The following KRTAP5-9 variants were observed in gnomAD, a reference collection of about 807,000 sequenced individuals.
The protein encoded by KRTAP5-9 is keratin-associated protein 5-9.
Under a neutral mutation model 3.0 loss-of-function variants are expected in KRTAP5-9, and 2 were observed. That is an observed-to-expected ratio of 0.67 (90% confidence interval 0.27 to 2.09). KRTAP5-9 has a LOEUF of 2.09. KRTAP5-9 is among the 30% of genes most tolerant of loss of function. The pLI, the probability that KRTAP5-9 is intolerant of heterozygous loss-of-function variation, is 0.14. For missense variants in KRTAP5-9, 183 were observed against 204.2 expected (o/e 0.90, Z 0.63); for synonymous variants, 70 against 81.2 (o/e 0.86, Z 0.74).
Position 71,548,769 on chromosome 11 carries a change from C to G in KRTAP5-9, c.112C>G (p.Pro38Ala), listed in dbSNP as rs369936376. ...GGGCTGTGGCCCCAGCTGCTGTGCA[C>G]CCGTCTACTGCTGCAAGCCCGTGTG... Reference protein sequence around the residue: ...CRGCGPSCCAPVYCCKPVCCC... With the variant: ...CRGCGPSCCAAVYCCKPVCCC... The change falls in exon 1 of 1, where the codon CCC (proline) becomes GCC (alanine). Residue 38 changes from proline to alanine, a missense_variant. Physicochemically the swap from Pro to Ala is conservative, Grantham distance 27 (BLOSUM62 -1). Transcript: ENST00000528743. The G allele has an allele frequency of 9.3e-6, 15 of 1,613,116 alleles. No homozygotes were observed. The highest frequency in any genetic ancestry group is 1.1e-5 in the Non-Finnish European group (13 of 1,179,700).
At position 71,548,711 on chromosome 11, in the gene KRTAP5-9, C is replaced by A; in HGVS notation, c.54C>A (p.Asp18Glu). Reference sequence around the variant, plus strand: ...GTGGCTCCAGCTGTGGAGGCTGTGACTCCAGCTGTGGGAGCTGTGGCTCTG... The same window carrying A: ...GTGGCTCCAGCTGTGGAGGCTGTGAATCCAGCTGTGGGAGCTGTGGCTCTG... Reference protein sequence around the residue: ...GGCGSSCGGCDSSCGSCGSGC... With the variant: ...GGCGSSCGGCESSCGSCGSGC... The change falls in exon 1 of 1, where the codon GAC becomes GAA. Residue 18 changes from aspartate to glutamate, a missense_variant. Coordinates refer to ENST00000528743, the MANE Select transcript of KRTAP5-9 (RefSeq NM_005553.4). 1 of 1,612,888 alleles carries A rather than the reference C, an allele frequency of 6.2e-7. No homozygotes were observed. Among genetic ancestry groups the A allele is most frequent in the Non-Finnish European group, 8.5e-7 (1 of 1,179,938 alleles).
In KRTAP5-9 at chr11:71,548,806, C is replaced by CA; in HGVS notation, c.150dup (p.Ala51SerfsTer6). ...TGCAAGCCCGTGTGCTGCTGTGTTCCAGCCTGTTCCTGCTCTAGCTGTGGC... is the reference window on the plus strand; with the variant it reads ...TGCAAGCCCGTGTGCTGCTGTGTTCCAAGCCTGTTCCTGCTCTAGCTGTGGC... On this transcript the variant is annotated frameshift_variant, in exon 1 of 1. Coordinates refer to ENST00000528743, the MANE Select transcript of KRTAP5-9 (RefSeq NM_005553.4). LOFTEE classifies it low-confidence loss of function (END_TRUNC). 6.2e-7 allele frequency: 1 copy of CA among 1,613,576 alleles called. No homozygotes were observed. Among genetic ancestry groups the CA allele is most frequent in the South Asian group, 1.1e-5 (1 of 91,036 alleles).
chr11:71,548,604 G>T lies in KRTAP5-9; in HGVS notation c.-54G>T, dbSNP rs1950107010. The T allele has an allele frequency of 1.3e-6, 2 of 1,581,206 alleles. No homozygotes were observed. Among genetic ancestry groups the T allele is most frequent in the East Asian group, 4.5e-5 (2 of 44,774 alleles). ...CCGGGGCTCAGGGGGCTCCACACCT[G>T]CACCTCCTTCTCACCTGCTCCTCTA... On this transcript the variant is annotated 5_prime_UTR_variant, in exon 1 of 1. Coordinates refer to ENST00000528743, the MANE Select transcript of KRTAP5-9 (RefSeq NM_005553.4).
Position 71,549,428 on chromosome 11 carries a change from C to A in KRTAP5-9, c.*261C>A, listed in dbSNP as rs1290932439. The A allele has an allele frequency of 1.7e-6, 1 of 588,808 alleles. No homozygotes were observed. Among genetic ancestry groups the A allele is most frequent in the Non-Finnish European group, 3.1e-6 (1 of 325,370 alleles). The allele number at this position is 588,808 out of a possible 1,614,324, so 36.5% of individuals were successfully genotyped here. On this transcript the variant is annotated 3_prime_UTR_variant, in exon 1 of 1. Coordinates refer to ENST00000528743, the MANE Select transcript of KRTAP5-9 (RefSeq NM_005553.4). ...CACTGGGGGCTGCCCTCATGCCAAG[C>A]AAGAGCCTGGAATTCCCCTTCTTGA...
chr11:71,549,007 C>T lies in KRTAP5-9; in HGVS notation c.350C>T (p.Ser117Phe). Residue 117 changes from serine to phenylalanine, a missense_variant, in exon 1 of 1, where the codon TCC becomes TTC. Transcript: ENST00000528743. The stretch of plus-strand genomic sequence containing the variant: ...TGCAGCTGCTGTAAGCCCTGTTGCT[C>T]CTCCTCGGGTCGTGGGTCATCCTGC... ...SQCSCCKPCC[S>F]SSGRGSSCCQ... is the part of the protein sequence containing the mutation. 6.2e-7 allele frequency: 1 copy of T among 1,605,218 alleles called. No individual in the cohort carries two copies. Among genetic ancestry groups the T allele is most frequent in the East Asian group, 2.2e-5 (1 of 44,830 alleles).
rs749258020 is a variant in KRTAP5-9, at chr11:71,548,822, T to C, written c.165T>C (p.Ser55=). The change falls in exon 1 of 1, where the codon TCT becomes TCC. Residue 55 remains serine, a synonymous_variant. Transcript: ENST00000528743. ...VCCCVPACSC[S]SCGKRGCGSC... ...GCTGTGTTCCAGCCTGTTCCTGCTC[T>C]AGCTGTGGCAAGCGGGGCTGTGGCT... is the stretch of plus-strand genomic sequence containing the variant. 1.2e-6 allele frequency: 2 copies of C among 1,614,050 alleles called. No homozygotes were observed. Among genetic ancestry groups the C allele is most frequent in the South Asian group, 1.1e-5 (1 of 91,056 alleles).
chr11:71,549,356 A>G lies in KRTAP5-9; in HGVS notation c.*189A>G, dbSNP rs1950112294. On this transcript the variant is annotated 3_prime_UTR_variant, in exon 1 of 1. Coordinates refer to ENST00000528743, the MANE Select transcript of KRTAP5-9 (RefSeq NM_005553.4). Reference sequence around the variant, plus strand: ...ATAAGAATATCCCAAGACCCAGGCAATTTTGCCCCTCTTTCCCACATGCCC... The same window carrying G: ...ATAAGAATATCCCAAGACCCAGGCAGTTTTGCCCCTCTTTCCCACATGCCC... The G allele has an allele frequency of 3.5e-5, 32 of 909,766 alleles. No individual in the cohort carries two copies. Among genetic ancestry groups the G allele is most frequent in the Middle Eastern group, 3.3e-4 (1 of 3,044 alleles). 56.4% of individuals were successfully genotyped at this position (909,766 alleles called of 1,614,324 possible). A position where few individuals can be genotyped will look rare whatever the true frequency, so the allele number is the denominator to read the frequency against.
Position 71,549,476 on chromosome 11 carries a change from CCCTTCT to C in KRTAP5-9, c.*310_*315del. ...TGATAATTCCATGGGAGACAGCAAA[CCCTTCT>C]TTCCTTTGCCTGCCAGGAGCTTCAC... On this transcript the variant is annotated 3_prime_UTR_variant, in exon 1 of 1. Transcript: ENST00000528743. 2.0e-6 allele frequency: 1 copy of C among 502,410 alleles called. No individual in the cohort carries two copies. Among genetic ancestry groups the C allele is most frequent in the South Asian group, 2.8e-5 (1 of 35,322 alleles). 31.1% of individuals were successfully genotyped at this position (502,410 alleles called of 1,614,324 possible).
chr11:71,548,787 C>G lies in KRTAP5-9; in HGVS notation c.130C>G (p.Pro44Ala). The G allele has an allele frequency of 6.2e-7, 1 of 1,613,456 alleles. No individual in the cohort carries two copies. The highest frequency in any genetic ancestry group is 8.5e-7 in the Non-Finnish European group (1 of 1,179,748). Residue 44 changes from proline to alanine, a missense_variant, in exon 1 of 1, where the codon CCC (proline) becomes GCC (alanine). Pro to Ala is a conservative substitution (Grantham distance 27). Transcript: ENST00000528743. Reference sequence around the variant, plus strand: ...CTGTGCACCCGTCTACTGCTGCAAGCCCGTGTGCTGCTGTGTTCCAGCCTG... The same window carrying G: ...CTGTGCACCCGTCTACTGCTGCAAGGCCGTGTGCTGCTGTGTTCCAGCCTG... Reference protein sequence around the residue: ...SCCAPVYCCKPVCCCVPACSC... With the variant: ...SCCAPVYCCKAVCCCVPACSC...
Position 71,549,521 on chromosome 11 carries a change from G to A in KRTAP5-9, c.*354G>A. On this transcript the variant is annotated 3_prime_UTR_variant, in exon 1 of 1. Coordinates refer to ENST00000528743, the MANE Select transcript of KRTAP5-9 (RefSeq NM_005553.4). ...CAGGAGCTTCACGACATTTGCAGAT[G>A]GATGTCCTGCAACCCAAATGATCAC... The A allele has an allele frequency of 5.0e-6, 2 of 400,254 alleles. No individual in the cohort carries two copies. Among genetic ancestry groups the A allele is most frequent in the Non-Finnish European group, 9.5e-6 (2 of 210,468 alleles). The allele number at this position is 400,254 out of a possible 1,614,324, so 24.8% of individuals were successfully genotyped here. A position where few individuals can be genotyped will look rare whatever the true frequency, so the allele number is the denominator to read the frequency against.
In KRTAP5-9 at chr11:71,549,019, G is replaced by A. The variant is rs201275630; in HGVS notation, c.362G>A (p.Arg121His). ...AAGCCCTGTTGCTCCTCCTCGGGTC[G>A]TGGGTCATCCTGCTGCCAATCCAGC... is the stretch of plus-strand genomic sequence containing the variant. ...CCKPCCSSSG[R>H]GSSCCQSSCC... Residue 121 changes from arginine to histidine, a missense_variant, in exon 1 of 1, where the codon CGT (arginine) becomes CAT (histidine). Coordinates refer to ENST00000528743, the MANE Select transcript of KRTAP5-9 (RefSeq NM_005553.4). 3.4e-4 allele frequency: 546 copies of A among 1,606,686 alleles called. 4 individuals are homozygous for A. The African/African-American group carries it at 4.6e-3, about 14-fold the overall frequency.
chr11:71,549,098 C>A lies in KRTAP5-9; in HGVS notation c.441C>A (p.Ser147=), dbSNP rs759058910. Residue 147 remains serine, a synonymous_variant, in exon 1 of 1, where the codon TCC becomes TCA. Coordinates refer to ENST00000528743, the MANE Select transcript of KRTAP5-9 (RefSeq NM_005553.4). ...SSGCGSSCCQ[S]SCCKPCCSQS... ...GCTGTGGGTCATCCTGCTGCCAGTCCAGCTGCTGCAAGCCCTGCTGCTCCC... is the reference window on the plus strand; with the variant it reads ...GCTGTGGGTCATCCTGCTGCCAGTCAAGCTGCTGCAAGCCCTGCTGCTCCC... The A allele has an allele frequency of 6.2e-6, 10 of 1,613,592 alleles. No homozygotes were observed. The highest frequency in any genetic ancestry group is 8.5e-6 in the Non-Finnish European group (10 of 1,179,698).
Position 71,549,451 on chromosome 11 carries a change from T to A in KRTAP5-9, c.*284T>A. The stretch of plus-strand genomic sequence containing the variant: ...AGCAAGAGCCTGGAATTCCCCTTCT[T>A]GATAATTCCATGGGAGACAGCAAAC... On this transcript the variant is annotated 3_prime_UTR_variant, in exon 1 of 1. Transcript: ENST00000528743. 1.8e-6 allele frequency: 1 copy of A among 561,208 alleles called. No homozygotes were observed. The highest frequency in any genetic ancestry group is 2.3e-5 in the South Asian group (1 of 42,722). 34.8% of individuals were successfully genotyped at this position (561,208 alleles called of 1,614,324 possible).
Position 71,548,442 on chromosome 11 carries a change from C to G in KRTAP5-9, c.-216C>G. 1.0e-6 allele frequency: 1 copy of G among 990,714 alleles called. No homozygotes were observed. Among genetic ancestry groups the G allele is most frequent in the South Asian group, 1.8e-5 (1 of 55,594 alleles). The allele number at this position is 990,714 out of a possible 1,614,324, so 61.4% of individuals were successfully genotyped here. ...TATGAATTCCACAAGGAAATCATCT[C>G]AGGAGGAAGGGCTCATACTTGGATC... On this transcript the variant is annotated 5_prime_UTR_variant, in exon 1 of 1. Transcript: ENST00000528743.
rs1565622137 is a variant in KRTAP5-9 at position 71,548,720 on chromosome 11, T to C, written c.63T>C (p.Cys21=). 6.2e-7 allele frequency: 1 copy of C among 1,613,012 alleles called. No individual in the cohort carries two copies. The highest frequency in any genetic ancestry group is 2.2e-5 in the East Asian group (1 of 44,880). Residue 21 remains cysteine (C), a synonymous_variant, in exon 1 of 1, where the codon TGT becomes TGC. Coordinates refer to ENST00000528743, the MANE Select transcript of KRTAP5-9 (RefSeq NM_005553.4). ...GCTGTGGAGGCTGTGACTCCAGCTG[T>C]GGGAGCTGTGGCTCTGGCTGCAGGG... is the stretch of plus-strand genomic sequence containing the variant. The part of the protein sequence containing the change: ...GSSCGGCDSS[C]GSCGSGCRGC...
In KRTAP5-9 at chr11:71,549,099, A is replaced by T; in HGVS notation, c.442A>T (p.Ser148Cys). Residue 148 changes from serine to cysteine, a missense_variant, in exon 1 of 1, where the codon AGC (serine) becomes TGC (cysteine). Transcript: ENST00000528743. ...SGCGSSCCQSSCCKPCCSQSR... is the reference protein window; with the variant it reads ...SGCGSSCCQSCCCKPCCSQSR... ...CTGTGGGTCATCCTGCTGCCAGTCCAGCTGCTGCAAGCCCTGCTGCTCCCA... is the reference window on the plus strand; with the variant it reads ...CTGTGGGTCATCCTGCTGCCAGTCCTGCTGCTGCAAGCCCTGCTGCTCCCA... 1 of 1,613,034 alleles carries T rather than the reference A, an allele frequency of 6.2e-7. No individual in the cohort carries two copies. The highest frequency in any genetic ancestry group is 8.5e-7 in the Non-Finnish European group (1 of 1,179,514).
rs1419526948 is a variant in KRTAP5-9, at chr11:71,548,620, T to A, written c.-38T>A. The A allele has an allele frequency of 6.3e-7, 1 of 1,590,162 alleles. No individual in the cohort carries two copies. The highest frequency in any genetic ancestry group is 8.5e-7 in the Non-Finnish European group (1 of 1,169,994). ...TCCACACCTGCACCTCCTTCTCACC[T>A]GCTCCTCTACCTGCTCCACCCTCAA... On this transcript the variant is annotated 5_prime_UTR_variant, in exon 1 of 1. Coordinates refer to ENST00000528743, the MANE Select transcript of KRTAP5-9 (RefSeq NM_005553.4).
Position 71,549,421 on chromosome 11 carries a change from T to G in KRTAP5-9, c.*254T>G. On this transcript the variant is annotated 3_prime_UTR_variant, in exon 1 of 1. Transcript: ENST00000528743. ...CAAACTGCACTGGGGGCTGCCCTCATGCCAAGCAAGAGCCTGGAATTCCCC... is the reference window on the plus strand; with the variant it reads ...CAAACTGCACTGGGGGCTGCCCTCAGGCCAAGCAAGAGCCTGGAATTCCCC... The G allele has an allele frequency of 1.7e-6, 1 of 598,432 alleles. No individual in the cohort carries two copies. Among genetic ancestry groups the G allele is most frequent in the East Asian group, 2.9e-5 (1 of 34,808 alleles). The allele number at this position is 598,432 out of a possible 1,614,324, so 37.1% of individuals were successfully genotyped here.
chr11:71,549,172 C>G lies in KRTAP5-9; in HGVS notation c.*5C>G. The G allele has an allele frequency of 6.2e-7, 1 of 1,611,192 alleles. No individual in the cohort carries two copies. The highest frequency in any genetic ancestry group is 1.1e-5 in the South Asian group (1 of 88,214). On this transcript the variant is annotated 3_prime_UTR_variant, in exon 1 of 1. Transcript: ENST00000528743. The stretch of plus-strand genomic sequence containing the variant: ...TGCTACCAGTGCAAGATCTGAGGCT[C>G]TAGTGGGAAACCTCAGGTAGCTCCT...
Sources: allele counts gnomAD v4.1 joint callset, GRCh38; gene constraint gnomAD v4.1.1; transcripts MANE v1.5; gene names NCBI Gene and HGNC (gene_info 2026-07-23, HGNC 2026-07-21).